The following SOX5 variants were observed in gnomAD, a reference collection of about 807,000 sequenced individuals.
SOX5 encodes SRY-box transcription factor 5, also known as transcription factor SOX-5.
Under a neutral mutation model 92.0 loss-of-function variants are expected in SOX5, and 9 were observed. That is an observed-to-expected ratio of 0.10 (90% CI 0.06 to 0.17). The LOEUF (loss-of-function observed/expected upper bound fraction) is 0.17, where lower values mean the gene tolerates loss of function less well. SOX5 is among the 10% of genes least tolerant of loss of function. SOX5 has a pLI of 1.00. For synonymous variants in SOX5, 344 were observed against 336.3 expected, an observed-to-expected ratio of 1.02 and a Z score of -0.25; for missense variants, 642 against 944.5, an observed-to-expected ratio of 0.68 and a Z score of 4.20.
chr12:24,370,986 G>A (rs771407947), intron 1 of SOX5, among the ~76,000 whole-genome samples: 6 of 152,136 alleles, frequency 3.9e-5, no homozygotes, highest in Non-Finnish European at 8.8e-5. Flanking sequence ...ATATGCTCAG[G>A]TTAATGCCCA....
chr12:23,624,749 C>T (rs1329011271), intron 8 of SOX5, among the ~76,000 whole-genome samples: 3 of 152,124 alleles, frequency 2.0e-5, no homozygotes, highest in Admixed American at 2.0e-4. Context: ...ATCCTGATTA[C>T]AGAGGTGGTG....
At chr12:24,517,388 T>A (rs1949885476) in intron 1 of SOX5, among the ~76,000 whole-genome samples, 2 of 151,686 alleles carry the variant, frequency 1.3e-5, no homozygotes, top group South Asian at 4.2e-4. Context: ...AGGCACAGAG[T>A]CAAAAAGCAC....
At chr12:23,976,337 A>G (rs186888114) in intron 4 of SOX5, among the ~76,000 whole-genome samples, 151 of 141,422 alleles carry the variant, frequency 1.1e-3, no homozygotes, top group Non-Finnish European at 1.4e-3. Context: ...TCAGTTTCTT[A>G]GAGATGATGT....
At chr12:24,180,175 T>C (rs1955324909) in intron 4 of SOX5, among the ~76,000 whole-genome samples, 1 of 152,096 alleles carries the variant, frequency 6.6e-6, no homozygotes, top group Non-Finnish European at 1.5e-5. Context: ...CAGGCTGGTC[T>C]CAAATTCCTA....
intron 3 of SOX5, among the ~76,000 whole-genome samples, chr12:24,266,536 G>A (rs146355551): frequency 3.1e-4 from 47 of 152,196 alleles, no homozygotes; most frequent in African/African-American, 8.4e-4. Context: ...TTTGCTAAGT[G>A]AACTATGATC....
At chr12:24,530,019 C>CAACAA (rs1951048535) in intron 1 of SOX5, among the ~76,000 whole-genome samples, 1 of 72,986 alleles carries the variant, frequency 1.4e-5, no homozygotes, top group Non-Finnish European at 2.6e-5. Flanking sequence ...GACTCCGTCT[C>CAACAA]AAAAAAAAAA....
intron 12 of SOX5, 39 bp downstream of exon 12, chr12:23,546,277 C>CTTGCATTATTAGAATATGT (rs1245282954): frequency 8.5e-7 from 1 of 1,178,724 alleles, no homozygotes; most frequent in East Asian, 2.3e-5. Flanking sequence ...TAGACACTTT[C>CTTGCATTATTAGAATATGT]TTGCATTATT....
At chr12:24,521,476 C>T (rs567703576) in intron 1 of SOX5, among the ~76,000 whole-genome samples, 15 of 152,324 alleles carry the variant, frequency 9.8e-5, no homozygotes, top group Non-Finnish European at 1.6e-4. Context: ...CAGACATAGA[C>T]GGAACTTTCT....
At chr12:24,029,569 C>T (rs767164121) in intron 4 of SOX5, among the ~76,000 whole-genome samples, 23 of 151,828 alleles carry the variant, frequency 1.5e-4, no homozygotes, top group Non-Finnish European at 3.1e-4. Context: ...ACCACTGAGC[C>T]CAGCCCATTT....
intron 3 of SOX5, among the ~76,000 whole-genome samples, chr12:24,244,221 C>T (rs897723915): frequency 5.9e-5 from 9 of 152,170 alleles, no homozygotes; most frequent in South Asian, 2.1e-4. Flanking sequence ...AGAGTAGATC[C>T]GCTTAAACAA....
At chr12:24,023,240 T>C (rs1032779273) in intron 4 of SOX5, among the ~76,000 whole-genome samples, 2 of 152,172 alleles carry the variant, frequency 1.3e-5, no homozygotes, top group African/African-American at 4.8e-5. Flanking sequence ...TTACACATGA[T>C]AGAACAGCTG....
intron 4 of SOX5, among the ~76,000 whole-genome samples, chr12:24,157,969 A>G (rs16927266): frequency 0.12 from 18,629 of 151,954 alleles, 1,658 homozygotes; most frequent in East Asian, 0.46. Context: ...AGTGTTTACT[A>G]TTTCAGAGTA....
At chr12:24,272,919 G>GA (rs71059999) in intron 3 of SOX5, among the ~76,000 whole-genome samples, 1,519 of 147,252 alleles carry the variant, frequency 0.01, 13 homozygotes, top group South Asian at 0.027. Context: ...TCTATCTTTT[G>GA]AAAAAAAAAA....
rs965993707 is a variant in SOX5 at position 23,831,852 on chromosome 12, T to C, written c.481+14131A>G. Among the ~76,000 whole-genome samples, 4 of 151,850 alleles carry C rather than the reference T, an allele frequency of 2.6e-5. No individual in the cohort carries two copies. The South Asian group carries it at 8.3e-4, about 32-fold the overall frequency. On this transcript the variant is annotated intron_variant, in intron 3 of 14. Coordinates refer to ENST00000451604, the MANE Select transcript of SOX5 (RefSeq NM_006940.6). ...TCACACACAAGGAGCACACTCATCA[T>C]GGCAAAACAATTTTGGAGGTGTAGG...
chr12:24,167,147 C>G (rs573841623), intron 4 of SOX5, among the ~76,000 whole-genome samples: 1 of 152,182 alleles, frequency 6.6e-6, no homozygotes, highest in East Asian at 1.9e-4. Flanking sequence ...CGACAAGGAC[C>G]AAAATGTTAC....
At chr12:24,478,048 T>C (rs1752555288) in intron 1 of SOX5, among the ~76,000 whole-genome samples, 1 of 152,180 alleles carries the variant, frequency 6.6e-6, no homozygotes, top group Admixed American at 6.5e-5. Context: ...TATAATTCAA[T>C]ATGTAAAAGT....
chr12:24,064,378 G>A (rs1003270144), intron 4 of SOX5, among the ~76,000 whole-genome samples: 3 of 152,120 alleles, frequency 2.0e-5, no homozygotes, highest in Non-Finnish European at 4.4e-5. Context: ...ATTGACTTTT[G>A]AACATCTGGT....
chr12:23,563,676 A>C (rs1261994093), intron 10 of SOX5, among the ~76,000 whole-genome samples: 1 of 152,224 alleles, frequency 6.6e-6, no homozygotes, highest in Non-Finnish European at 1.5e-5. Context: ...AAGAAGTTGA[A>C]AACCTAATTT....
rs182742133 is a variant in SOX5, at chr12:23,563,209, G to C, written c.1488+49C>G. ...ATATATTTTTTTTAAAAAAGCATTA[G>C]GCAATTTAATTAAGTATTTCTAGAA... On this transcript the variant is annotated intron_variant, in intron 11 of 14. Coordinates refer to ENST00000451604, the MANE Select transcript of SOX5 (RefSeq NM_006940.6). The C allele has an allele frequency of 2.5e-4, 353 of 1,420,644 alleles. 1 individual carries two copies. In the African/African-American group the frequency reaches 2.7e-3, roughly 11 times the overall value. The allele number at this position is 1,420,644 out of a possible 1,614,324, so 88.0% of individuals were successfully genotyped here.
Sources: allele counts gnomAD v4.1 joint callset (sites outside exome capture counted in the v4.1 genomes callset), GRCh38; gene constraint gnomAD v4.1.1; transcripts MANE v1.5; gene names NCBI Gene and HGNC (gene_info 2026-07-23, HGNC 2026-07-21).